The following PTPRU variants were observed in gnomAD, a reference collection of about 807,000 sequenced individuals.
PTPRU encodes the protein receptor-type tyrosine-protein phosphatase U.
In PTPRU, 69 loss-of-function variants were observed where a neutral mutation model predicts 166.3. The ratio of observed to expected loss-of-function variants is 0.41; its 90% CI spans 0.34 to 0.51. The LOEUF is 0.51. Ranked by LOEUF, PTPRU falls within the 20% of genes least tolerant of loss-of-function variation. The pLI is 0.09. For missense variants in PTPRU, 1,657 were observed against 2,013.7 expected (o/e 0.82, Z 3.39); for synonymous variants, 793 against 814.0 (o/e 0.97, Z 0.44).
At chr1:29,290,960 C>G (rs1557455419) in intron 14 of PTPRU, among the ~76,000 whole-genome samples, 5 of 152,194 alleles carry the variant, frequency 3.3e-5, no homozygotes, top group Admixed American at 2.6e-4. Context: ...AGACCACCCT[C>G]TAGGCCAGCA....
intron 1 of PTPRU, among the ~76,000 whole-genome samples, chr1:29,245,602 C>T (rs1313284627): frequency 6.6e-6 from 1 of 152,192 alleles, no homozygotes; most frequent in Non-Finnish European, 1.5e-5. Context: ...TGAGGGTGTG[C>T]GTTCTCCTGA....
intron 8 of PTPRU, 29 bp from the exon 9 acceptor site, chr1:29,278,983 C>T (rs1220715489): frequency 1.3e-6 from 2 of 1,541,434 alleles, no homozygotes; most frequent in African/African-American, 2.7e-5. Flanking sequence ...GCCCACTTTC[C>T]CCTGGCCCCT....
chr1:29,291,845 T>C lies in PTPRU; in HGVS notation c.2319-24T>C, dbSNP rs141442829. ...TGTCCAGCCCCACACAATGCCTGTG[T>C]CTCCCCTCAACCCCCCTCTCCAGGA... On this transcript the variant is annotated intron_variant, in intron 14 of 29. Transcript: ENST00000373779. This position sits in a 1 kb window ranked among gnomAD's most constrained non-coding sequence, Gnocchi z 4.1. 2.0e-3 allele frequency: 3,148 copies of C among 1,611,940 alleles called. 9 individuals are homozygous for C. Among genetic ancestry groups the C allele is most frequent in the South Asian group, 3.8e-3 (342 of 90,606 alleles).
chr1:29,260,699 G>T lies in PTPRU; in HGVS notation c.940G>T (p.Asp314Tyr), dbSNP rs1389411627. 6.3e-7 allele frequency: 1 copy of T among 1,588,072 alleles called. No individual in the cohort carries two copies. The highest frequency in any genetic ancestry group is 8.6e-7 in the Non-Finnish European group (1 of 1,165,666). The part of the protein sequence containing the change: ...IQLNTNSIIG[D>Y]GPIVRKEIEY... ...GCTCAACACCAACTCCATCATTGGC[G>T]ACGGGCCGATCGTGCGCAAGGAGAT... The change falls in exon 7 of 30, where the codon GAC (aspartate) becomes TAC (tyrosine). Residue 314 changes from aspartate to tyrosine, a missense_variant. Physicochemically the swap from Asp to Tyr is radical, Grantham distance 160. Coordinates refer to ENST00000373779, the MANE Select transcript of PTPRU (RefSeq NM_133178.4). The surrounding 1 kb of genome is among the most constrained non-coding windows in gnomAD (Gnocchi z 8.3).
At position 29,325,425 on chromosome 1, in the gene PTPRU, T is replaced by G. The variant is rs1574741559; in HGVS notation, c.4248+99T>G. 12 of 1,527,984 alleles carry G rather than the reference T, an allele frequency of 7.9e-6. No homozygotes were observed. The East Asian group carries it at 2.7e-4, about 34-fold the overall frequency. The allele number at this position is 1,527,984 out of a possible 1,614,324, so 94.7% of individuals were successfully genotyped here. A position where few individuals can be genotyped will look rare whatever the true frequency, so the allele number is the denominator to read the frequency against. ...CTCTCCCATATCTGGGCCCCACCAC[T>G]GGGCCTTGGTTCTAGCCCTGTGGTC... On this transcript the variant is annotated intron_variant, in intron 29 of 29. Transcript: ENST00000373779.
intron 1 of PTPRU, among the ~76,000 whole-genome samples, chr1:29,247,710 G>A (rs1027094011): frequency 2.0e-4 from 31 of 152,320 alleles, no homozygotes; most frequent in African/African-American, 7.5e-4. Flanking sequence ...CATACTGCCA[G>A]TGTGGCAGCT....
chr1:29,266,742 G>A (rs1019566012), intron 7 of PTPRU, among the ~76,000 whole-genome samples: 3 of 152,154 alleles, frequency 2.0e-5, no homozygotes, highest in African/African-American at 7.2e-5. Context: ...AGGGATATAT[G>A]ACTATAACCA....
chr1:29,298,836 T>G (rs964933820), intron 15 of PTPRU, among the ~76,000 whole-genome samples: 1 of 152,052 alleles, frequency 6.6e-6, no homozygotes, highest in Admixed American at 6.5e-5. Context: ...GGGCCTCAGT[T>G]TTCTCGTTTG....
chr1:29,296,842 G>T (rs1686905822), intron 15 of PTPRU, among the ~76,000 whole-genome samples: 1 of 150,546 alleles, frequency 6.6e-6, no homozygotes, highest in African/African-American at 2.4e-5. Context: ...GTTCTAATTT[G>T]GTATATTTAA....
intron 11 of PTPRU, 32 bp from the exon 12 acceptor site, chr1:29,282,644 G>T (rs1312996955): frequency 3.8e-6 from 6 of 1,593,980 alleles, no homozygotes; most frequent in Non-Finnish European, 5.1e-6. Context: ...CTGGCCGCCT[G>T]TGATCCCCTG....
chr1:29,323,972 G>C (rs913937057), intron 28 of PTPRU, among the ~76,000 whole-genome samples, 184 bp downstream of exon 28: 1 of 152,214 alleles, frequency 6.6e-6, no homozygotes, highest in Non-Finnish European at 1.5e-5. Context: ...AATCCAGTGA[G>C]TTTCCAGGCT....
intron 3 of PTPRU, 142 bp from the exon 4 acceptor site, chr1:29,259,119 G>A: frequency 1.0e-6 from 1 of 958,830 alleles, no homozygotes. Context: ...CAACTAGCTG[G>A]CTTGGGAGGG....
At chr1:29,245,184 TC>T (rs1450151639) in intron 1 of PTPRU, among the ~76,000 whole-genome samples, 1 of 152,216 alleles carries the variant, frequency 6.6e-6, no homozygotes, top group African/African-American at 2.4e-5. Flanking sequence ...TTCATTGTTT[TC>T]CTGCCAGCAT....
intron 1 of PTPRU, among the ~76,000 whole-genome samples, chr1:29,242,392 G>A (rs1000451625): frequency 1.3e-5 from 2 of 152,138 alleles, no homozygotes; most frequent in Non-Finnish European, 2.9e-5. Context: ...CAGAAGCCTT[G>A]GAAGGGGCCC....
intron 15 of PTPRU, among the ~76,000 whole-genome samples, chr1:29,296,368 A>C (rs1361364340): frequency 6.6e-6 from 1 of 152,214 alleles, no homozygotes; most frequent in East Asian, 1.9e-4. Context: ...TTTTTTCTGC[A>C]ATTATTGTGA....
rs573772021 is a variant in PTPRU at position 29,292,706 on chromosome 1, A to G, written c.2476+680A>G. Among the ~76,000 whole-genome samples, 279 of 152,330 alleles carry G rather than the reference A, an allele frequency of 1.8e-3. 1 individual carries two copies. Among genetic ancestry groups the G allele is most frequent in the Non-Finnish European group, 3.5e-3 (237 of 68,024 alleles). On this transcript the variant is annotated intron_variant, in intron 15 of 29. Coordinates refer to ENST00000373779, the MANE Select transcript of PTPRU (RefSeq NM_133178.4). ...AAAGTCATAAAATCATAACAATACA[A>G]CAAACAGCAATGAACCTCATTGGTG...
intron 15 of PTPRU, among the ~76,000 whole-genome samples, chr1:29,296,101 GT>G (rs1169627526): frequency 1.3e-5 from 2 of 152,162 alleles, no homozygotes; most frequent in Non-Finnish European, 2.9e-5. Flanking sequence ...AGAAATAGTT[GT>G]TTTTTCTTTC....
At chr1:29,246,300 C>T (rs1558544799) in intron 1 of PTPRU, among the ~76,000 whole-genome samples, 1 of 152,242 alleles carries the variant, frequency 6.6e-6, no homozygotes, top group East Asian at 1.9e-4. Flanking sequence ...GGCTGGCGTC[C>T]TTTTCCAGGT....
intron 15 of PTPRU, among the ~76,000 whole-genome samples, chr1:29,294,584 A>G (rs929275704): frequency 6.6e-6 from 1 of 152,126 alleles, no homozygotes; most frequent in Non-Finnish European, 1.5e-5. Context: ...GTGTATTTAA[A>G]TTCATCAGTC....
Sources: allele counts gnomAD v4.1 joint callset (sites outside exome capture counted in the v4.1 genomes callset), GRCh38; gene constraint gnomAD v4.1.1; non-coding constraint Gnocchi (gnomAD v3.1); transcripts MANE v1.5; gene names NCBI Gene and HGNC (gene_info 2026-07-23, HGNC 2026-07-21).